The following NHSL1 variants were observed in gnomAD, a reference collection of about 807,000 sequenced individuals.
The protein encoded by NHSL1 is NHS like 1.
In NHSL1, 48 loss-of-function variants were observed where a neutral mutation model predicts 95.0. The observed-to-expected ratio is 0.51, with a 90% CI of 0.40 to 0.64. The LOEUF (loss-of-function observed/expected upper bound fraction) is 0.64, where lower values mean the gene tolerates loss of function less well. Among genes scored for constraint, NHSL1 ranks in the 30% least tolerant of loss-of-function variants. NHSL1 has a pLI of 0.00. For missense variants in NHSL1, 1,971 were observed against 2,077.7 expected, an observed-to-expected ratio of 0.95 and a Z score of 1.00; for synonymous variants, 783 against 833.9, an observed-to-expected ratio of 0.94 and a Z score of 1.05.
At chr6:138,465,724 C>CTTT (rs61271607) in intron 3 of NHSL1, among the ~76,000 whole-genome samples, 7 of 132,832 alleles carry the variant, frequency 5.3e-5, no homozygotes, top group Non-Finnish European at 9.7e-5. Context: ...TTTTTCTTTT[C>CTTT]TTTTTTTTTT....
chr6:138,546,334 T>G (rs1162381624), upstream of NHSL1, among the ~76,000 whole-genome samples: 2 of 141,456 alleles, frequency 1.4e-5, no homozygotes, highest in Admixed American at 1.6e-4. Flanking sequence ...CTCACACCTA[T>G]AATCCCAGAA....
At chr6:138,618,668 G>T (rs967522729) in intron 1 of NHSL1, among the ~76,000 whole-genome samples, 1 of 152,064 alleles carries the variant, frequency 6.6e-6, no homozygotes, top group African/African-American at 2.4e-5. Flanking sequence ...CACCATTATG[G>T]AAGGGAAGAA....
intron 1 of NHSL1, among the ~76,000 whole-genome samples, chr6:138,623,795 T>C (rs1490632549): frequency 6.6e-6 from 1 of 152,148 alleles, no homozygotes; most frequent in Non-Finnish European, 1.5e-5. Flanking sequence ...ATAACCTCCA[T>C]GTCTCAAGGG....
At chr6:138,508,639 A>C (rs1405822503) in intron 1 of NHSL1, among the ~76,000 whole-genome samples, 2 of 151,898 alleles carry the variant, frequency 1.3e-5, no homozygotes, top group Non-Finnish European at 2.9e-5. Context: ...CACTCTTTCC[A>C]CCTCTATGCC....
At chr6:138,672,331 C>A (rs1785383700) in intron 1 of NHSL1, among the ~76,000 whole-genome samples, 1 of 152,082 alleles carries the variant, frequency 6.6e-6, no homozygotes, top group Non-Finnish European at 1.5e-5. Context: ...CGTGCAGTAA[C>A]TATCAGTCAA....
intron 5 of NHSL1, among the ~76,000 whole-genome samples, chr6:138,439,530 G>A (rs917964782): frequency 6.6e-6 from 1 of 152,178 alleles, no homozygotes; most frequent in Non-Finnish European, 1.5e-5. Flanking sequence ...TGAAAGGACA[G>A]AACAAATAAA....
At chr6:138,639,016 A>G (rs1409658168) in intron 1 of NHSL1, among the ~76,000 whole-genome samples, 4 of 152,158 alleles carry the variant, frequency 2.6e-5, no homozygotes, top group African/African-American at 9.7e-5. Flanking sequence ...TTTTTGTACC[A>G]TCTGTTTTAA....
upstream of NHSL1, among the ~76,000 whole-genome samples, chr6:138,502,677 GA>G (rs1391471109): frequency 6.6e-6 from 1 of 152,066 alleles, no homozygotes; most frequent in African/African-American, 2.4e-5. Context: ...GCATAATAGC[GA>G]AAAGCAGTCC....
At chr6:138,610,551 ATATAT>A (rs1562390935) in intron 1 of NHSL1, among the ~76,000 whole-genome samples, 36 of 100,210 alleles carry the variant, frequency 3.6e-4, no homozygotes, top group African/African-American at 2.7e-3. Flanking sequence ...ATAAAAAAAT[ATATAT>A]ATATTATATA....
chr6:138,660,566 G>A (rs1283375121), intron 1 of NHSL1, among the ~76,000 whole-genome samples: 6 of 151,648 alleles, frequency 4.0e-5, no homozygotes, highest in South Asian at 2.1e-4. Context: ...GCATGAACCC[G>A]GGAGGTGGAG....
intron 1 of NHSL1, among the ~76,000 whole-genome samples, chr6:138,684,470 A>C (rs2114792892): frequency 6.6e-6 from 1 of 151,994 alleles, no homozygotes; most frequent in South Asian, 2.1e-4. Flanking sequence ...ACATGGCAAA[A>C]CCCCATCTCT....
rs570173621 is a variant in NHSL1 at position 138,623,451 on chromosome 6, G to C, written c.96+69025C>G. The stretch of plus-strand genomic sequence containing the variant: ...TTTATGGTGTACAACATGAAGTTTT[G>C]ATATATGTATATATTATAGAATGCT... On this transcript the variant is annotated intron_variant, in intron 1 of 3. Transcript: ENST00000491526. Among the ~76,000 whole-genome samples, 9 of 152,180 alleles carry C rather than the reference G, an allele frequency of 5.9e-5. No individual in the cohort carries two copies. The South Asian group carries it at 1.9e-3, about 32-fold the overall frequency.
intron 4 of NHSL1, among the ~76,000 whole-genome samples, chr6:138,446,482 T>A (rs1400676823): frequency 6.6e-6 from 1 of 152,228 alleles, no homozygotes; most frequent in African/African-American, 2.4e-5. Flanking sequence ...TGGCAATTAA[T>A]ATTTGTAGTC....
intron 3 of NHSL1, chr6:138,470,631 T>C (rs751555971): frequency 3.3e-5 from 5 of 152,222 alleles, no homozygotes; most frequent in Non-Finnish European, 7.3e-5. Flanking sequence ...ACAAAAATTT[T>C]ATAGCAGCAA....
At chr6:138,615,897 T>C (rs1164982357) in intron 1 of NHSL1, among the ~76,000 whole-genome samples, 1 of 144,880 alleles carries the variant, frequency 6.9e-6, no homozygotes, top group African/African-American at 2.5e-5. Flanking sequence ...ATAACTGTAC[T>C]GACTTAGATT....
intron 3 of NHSL1, among the ~76,000 whole-genome samples, chr6:138,454,471 G>A (rs1203667794): frequency 1.3e-5 from 2 of 152,120 alleles, no homozygotes; most frequent in Non-Finnish European, 2.9e-5. Context: ...AAAGGACTGT[G>A]GCAAAGGCTC....
chr6:138,577,907 T>C (rs140770051), intron 1 of NHSL1, among the ~76,000 whole-genome samples: 7 of 152,296 alleles, frequency 4.6e-5, no homozygotes, highest in Non-Finnish European at 8.8e-5. Context: ...ACATTCCCCA[T>C]AGTACATTAA....
intron 1 of NHSL1, among the ~76,000 whole-genome samples, chr6:138,554,144 T>C (rs1291495130): frequency 5.9e-5 from 9 of 152,222 alleles, no homozygotes; most frequent in Non-Finnish European, 2.9e-5. Flanking sequence ...CTCTTTGCCA[T>C]TGCCACTATG....
At chr6:138,673,949 C>A (rs1387491000) in intron 1 of NHSL1, among the ~76,000 whole-genome samples, 3 of 152,154 alleles carry the variant, frequency 2.0e-5, no homozygotes, top group Admixed American at 6.5e-5. Flanking sequence ...CACATACACA[C>A]CACAATCTTT....
Sources: allele counts gnomAD v4.1 joint callset (sites outside exome capture counted in the v4.1 genomes callset), GRCh38; gene constraint gnomAD v4.1.1; transcripts MANE v1.5; gene names NCBI Gene and HGNC (gene_info 2026-07-23, HGNC 2026-07-21).